Variants in VRK2 observed in about 807,000 individuals in gnomAD.
The protein encoded by VRK2 is VRK serine/threonine kinase 2, also known as serine/threonine-protein kinase VRK2.
A neutral mutation model predicts 57.6 loss-of-function variants in VRK2; 60 were observed. The observed-to-expected ratio is 1.04, with a 90% CI of 0.85 to 1.29. The LOEUF (loss-of-function observed/expected upper bound fraction) is 1.29. Ranked by LOEUF, VRK2 falls within the 50% of genes most tolerant of loss-of-function variation. VRK2 has a pLI of 0.00. For synonymous variants in VRK2, 231 were observed against 199.2 expected, an observed-to-expected ratio of 1.16 and a Z score of -1.35; for missense variants, 705 against 588.1, an observed-to-expected ratio of 1.20 and a Z score of -2.06.
At chr2:57,934,289 T>C (rs1670832892) in intron 1 of VRK2, among the ~76,000 whole-genome samples, 1 of 152,212 alleles carries the variant, frequency 6.6e-6, no homozygotes, top group South Asian at 2.1e-4. Flanking sequence ...TGAAGAACTT[T>C]CTGTAGCATT....
At chr2:57,958,505 T>C (rs1053550197) in intron 1 of VRK2, among the ~76,000 whole-genome samples, 2 of 151,852 alleles carry the variant, frequency 1.3e-5, no homozygotes, top group Non-Finnish European at 2.9e-5. Flanking sequence ...TGTCATATGC[T>C]ATATATCACA....
At chr2:58,100,552 G>A (rs1256768570) in intron 7 of VRK2, among the ~76,000 whole-genome samples, 1 of 151,690 alleles carries the variant, frequency 6.6e-6, no homozygotes, top group Admixed American at 6.6e-5. Flanking sequence ...TATATTTTCA[G>A]ATAAGCAAAG....
intron 2 of VRK2, among the ~76,000 whole-genome samples, chr2:58,027,287 TG>T (rs1673959205): frequency 6.6e-6 from 1 of 152,008 alleles, no homozygotes; most frequent in Non-Finnish European, 1.5e-5. Context: ...CTAAATGCCT[TG>T]CCATCCAACC....
At chr2:58,097,550 T>C (rs898767991) in intron 7 of VRK2, among the ~76,000 whole-genome samples, 1 of 152,120 alleles carries the variant, frequency 6.6e-6, no homozygotes, top group Admixed American at 6.6e-5. Context: ...AAATTAAAAA[T>C]TAAAATTTAA....
chr2:58,106,656 T>C (rs1179418617), intron 7 of VRK2, among the ~76,000 whole-genome samples: 1 of 151,938 alleles, frequency 6.6e-6, no homozygotes, highest in Non-Finnish European at 1.5e-5. Flanking sequence ...AGTTTGTAAA[T>C]ATGAATAGAT....
At chr2:57,981,225 C>G (rs1171769772) in intron 1 of VRK2, among the ~76,000 whole-genome samples, 2 of 152,168 alleles carry the variant, frequency 1.3e-5, no homozygotes, top group Non-Finnish European at 2.9e-5. Context: ...CATAAGGCAG[C>G]TCTCCCATGG....
At chr2:58,141,716 T>A (rs570218190) in intron 11 of VRK2, among the ~76,000 whole-genome samples, 7 of 152,116 alleles carry the variant, frequency 4.6e-5, no homozygotes, top group Admixed American at 3.3e-4. Context: ...ACTTTAAGTA[T>A]CTTAATTTTC....
exon 3 of VRK2, chr2:58,033,328 T>C (rs1227513270): frequency 6.6e-6 from 1 of 152,030 alleles, no homozygotes; most frequent in African/African-American, 2.4e-5. Context: ...GTGGGCACAA[T>C]GTAATCACAA....
chr2:58,069,415 G>A (rs996900999), intron 2 of VRK2, among the ~76,000 whole-genome samples: 3 of 152,286 alleles, frequency 2.0e-5, no homozygotes, highest in African/African-American at 7.2e-5. Flanking sequence ...TTGTTGTGGT[G>A]ACGTTCCCAA....
chr2:58,131,675 C>G (rs10496087), intron 8 of VRK2, 133 bp from the exon 9 acceptor site: 84,657 of 1,124,284 alleles, frequency 0.075, 3,512 homozygotes, highest in Admixed American at 0.096. Context: ...AAGTTTTATT[C>G]CAGCTGAACA....
intron 2 of VRK2, among the ~76,000 whole-genome samples, chr2:58,054,876 G>A (rs534541274): frequency 6.6e-6 from 1 of 152,116 alleles, no homozygotes; most frequent in Non-Finnish European, 1.5e-5. Flanking sequence ...TATTTTAGGA[G>A]AAAAGATAGA....
At chr2:58,083,874 T>C (rs888744051) in intron 2 of VRK2, among the ~76,000 whole-genome samples, 7 of 151,842 alleles carry the variant, frequency 4.6e-5, no homozygotes. Context: ...GTCTCTAATA[T>C]ATTACCTCTT....
chr2:58,034,603 A>G (rs1572808610), intron 3 of VRK2, among the ~76,000 whole-genome samples: 1 of 152,010 alleles, frequency 6.6e-6, no homozygotes, highest in African/African-American at 2.4e-5. Flanking sequence ...CTCAAAGAAT[A>G]TATGAGTGAG....
chr2:58,131,917 T>C lies in VRK2; in HGVS notation c.786T>C (p.Thr262=), dbSNP rs748578013. The change falls in exon 9 of 13, where the codon ACT becomes ACC. Residue 262 remains threonine (T), a synonymous_variant. Transcript: ENST00000340157. Reference sequence around the variant, plus strand: ...TGAAGGACCCTGTGGCTGTGCAGACTGCTAAAACAAAGTACAAATTTTCAA... The same window carrying C: ...TGAAGGACCCTGTGGCTGTGCAGACCGCTAAAACAAAGTACAAATTTTCAA... ...QNLKDPVAVQ[T]AKTNLLDELP... 6.2e-7 allele frequency: 1 copy of C among 1,613,996 alleles called. No homozygotes were observed. Among genetic ancestry groups the C allele is most frequent in the Non-Finnish European group, 8.5e-7 (1 of 1,179,994 alleles).
intron 1 of VRK2, among the ~76,000 whole-genome samples, chr2:57,993,895 AG>A (rs1672846758): frequency 6.6e-6 from 1 of 152,234 alleles, no homozygotes; most frequent in Non-Finnish European, 1.5e-5. Flanking sequence ...GGCAGGTTGG[AG>A]GGTAAATTTC....
At chr2:58,072,664 T>C (rs1317459740) in intron 2 of VRK2, among the ~76,000 whole-genome samples, 2 of 152,040 alleles carry the variant, frequency 1.3e-5, no homozygotes, top group Non-Finnish European at 2.9e-5. Context: ...GATTTGCTAA[T>C]GTTTTGTTGA....
chr2:58,011,660 A>T (rs183221266), intron 1 of VRK2, among the ~76,000 whole-genome samples: 3 of 152,244 alleles, frequency 2.0e-5, no homozygotes, highest in Admixed American at 2.0e-4. Flanking sequence ...TTATTTTGTT[A>T]TATTTTATTT....
At chr2:58,072,455 T>C (rs951830531) in intron 2 of VRK2, among the ~76,000 whole-genome samples, 2 of 151,998 alleles carry the variant, frequency 1.3e-5, no homozygotes, top group African/African-American at 4.8e-5. Flanking sequence ...CTATTTCTAG[T>C]ATTACTGTGA....
chr2:58,140,884 A>G (rs1681230800), intron 11 of VRK2, among the ~76,000 whole-genome samples: 1 of 152,040 alleles, frequency 6.6e-6, no homozygotes, highest in African/African-American at 2.4e-5. Flanking sequence ...TTCCTAATAG[A>G]AGAGAATATC....
Sources: allele counts gnomAD v4.1 joint callset (sites outside exome capture counted in the v4.1 genomes callset), GRCh38; gene constraint gnomAD v4.1.1; transcripts MANE v1.5; gene names NCBI Gene and HGNC (gene_info 2026-07-23, HGNC 2026-07-21).